CPEB3: variants seen among roughly 807,000 people sequenced by gnomAD.
CPEB3 encodes the protein cytoplasmic polyadenylation element binding protein 3.
In CPEB3, 20 loss-of-function variants were observed where a neutral mutation model predicts 67.2. The observed-to-expected ratio is 0.30, with a 90% CI of 0.21 to 0.43. The LOEUF is 0.43. Among genes scored for constraint, CPEB3 ranks in the 20% least tolerant of loss-of-function variants. The pLI is 1.00. For synonymous variants in CPEB3, 376 were observed against 393.1 expected (o/e 0.96, Z 0.51); for missense variants, 746 against 968.6 (o/e 0.77, Z 3.05).
intron 9 of CPEB3, among the ~76,000 whole-genome samples, chr10:92,054,588 C>T (rs1842043536): frequency 6.6e-6 from 1 of 151,982 alleles, no homozygotes. Context: ...TACAGGCGCC[C>T]ATCACCACAC....
intron 1 of CPEB3, among the ~76,000 whole-genome samples, chr10:92,245,115 A>G (rs1054724377): frequency 9.2e-5 from 14 of 151,810 alleles, no homozygotes; most frequent in Admixed American, 6.6e-5. Flanking sequence ...AAAACAAACA[A>G]AAACCTAAGA....
chr10:92,176,779 A>C (rs568638951), intron 4 of CPEB3, among the ~76,000 whole-genome samples: 1 of 152,350 alleles, frequency 6.6e-6, no homozygotes, highest in East Asian at 1.9e-4. Flanking sequence ...AGCATAATAG[A>C]GGAAAAGTCA....
At chr10:92,141,155 C>A (rs1846396110) in intron 6 of CPEB3, among the ~76,000 whole-genome samples, 1 of 125,788 alleles carries the variant, frequency 7.9e-6, no homozygotes. Flanking sequence ...GACTATAAAT[C>A]ATGCTGCTAT....
At chr10:92,280,091 C>A (rs929157572) in intron 1 of CPEB3, among the ~76,000 whole-genome samples, 2 of 151,288 alleles carry the variant, frequency 1.3e-5, no homozygotes, top group South Asian at 4.2e-4. Flanking sequence ...ACCTGTAATC[C>A]CTGCACTTTG....
intron 6 of CPEB3, among the ~76,000 whole-genome samples, chr10:92,127,443 A>C (rs1285407497): frequency 6.6e-6 from 1 of 152,170 alleles, no homozygotes; most frequent in East Asian, 1.9e-4. Flanking sequence ...TGGGAGACCG[A>C]GGCAGGTGGA....
chr10:92,240,237 C>T lies in CPEB3; in HGVS notation c.114G>A (p.Thr38=), dbSNP rs1470553211. Residue 38 remains threonine (T), a synonymous_variant, in exon 2 of 10, where the codon ACG becomes ACA. Transcript: ENST00000265997. ...GCTTGGGGGTCTCTGAGGAGAGGGG[C>T]GTGGACGGGGCTTCGGATACGCTGG... is the stretch of plus-strand genomic sequence containing the variant. ...PESSVSEAPS[T]PLSSETPKPE... is the part of the protein sequence containing the mutation. 6.6e-7 allele frequency: 1 copy of T among 1,508,904 alleles called. No homozygotes were observed. The highest frequency in any genetic ancestry group is 8.9e-7 in the Non-Finnish European group (1 of 1,126,812). 93.5% of individuals were successfully genotyped at this position (1,508,904 alleles called of 1,614,324 possible). A position where few individuals can be genotyped will look rare whatever the true frequency, so the allele number is the denominator to read the frequency against.
chr10:92,061,298 A>G (rs576491850), intron 9 of CPEB3, among the ~76,000 whole-genome samples: 13 of 152,024 alleles, frequency 8.6e-5, no homozygotes, highest in Non-Finnish European at 1.6e-4. Context: ...GGGTGCCTGT[A>G]ATCCCAACTA....
At chr10:92,091,808 T>C in intron 8 of CPEB3, 22 bp downstream of exon 8, 2 of 1,393,404 alleles carry the variant, frequency 1.4e-6, no homozygotes, top group Non-Finnish European at 2.0e-6. Context: ...TTTGTTGTTG[T>C]GGTATTACTA....
intron 4 of CPEB3, among the ~76,000 whole-genome samples, chr10:92,161,280 C>CT (rs1346686441): frequency 3.3e-5 from 5 of 151,104 alleles, no homozygotes; most frequent in African/African-American, 9.7e-5. Flanking sequence ...TTTGGTTTGG[C>CT]TTTTTTTTGA....
chr10:92,181,254 T>TA (rs1590321334), intron 3 of CPEB3, among the ~76,000 whole-genome samples: 1 of 151,292 alleles, frequency 6.6e-6, no homozygotes, highest in East Asian at 1.9e-4. Context: ...GAAGCTTCTG[T>TA]TATAATAGTC....
At chr10:92,080,822 G>A (rs747652230) in intron 9 of CPEB3, among the ~76,000 whole-genome samples, 77 of 151,988 alleles carry the variant, frequency 5.1e-4, no homozygotes, top group Non-Finnish European at 9.7e-4. Flanking sequence ...GTTTGGTCTC[G>A]ATCTCCTGAT....
intron 1 of CPEB3, among the ~76,000 whole-genome samples, chr10:92,277,397 T>C (rs1842041097): frequency 6.6e-6 from 1 of 152,238 alleles, no homozygotes; most frequent in African/African-American, 2.4e-5. Context: ...AGAAATACTA[T>C]TCTTTCCTCC....
At chr10:92,217,356 C>T (rs1850478962) in intron 2 of CPEB3, among the ~76,000 whole-genome samples, 1 of 150,946 alleles carries the variant, frequency 6.6e-6, no homozygotes, top group African/African-American at 2.4e-5. Context: ...CTAAATTTAA[C>T]ATATTTAATT....
At chr10:92,096,818 C>T (rs557670242) in intron 7 of CPEB3, among the ~76,000 whole-genome samples, 64 of 152,218 alleles carry the variant, frequency 4.2e-4, no homozygotes, top group African/African-American at 1.5e-3. Flanking sequence ...TGGCAGGCAC[C>T]GGTAATCCCA....
chr10:92,098,647 C>T (rs1844012024), intron 7 of CPEB3, among the ~76,000 whole-genome samples: 1 of 151,974 alleles, frequency 6.6e-6, no homozygotes, highest in African/African-American at 2.4e-5. Flanking sequence ...TAGAGTTTAA[C>T]TTTAAATGAT....
intron 4 of CPEB3, among the ~76,000 whole-genome samples, chr10:92,168,377 T>C (rs1205994778): frequency 6.6e-6 from 1 of 152,206 alleles, no homozygotes; most frequent in Non-Finnish European, 1.5e-5. Flanking sequence ...AAAGATATTA[T>C]GAGATAAAAA....
At position 92,052,167 on chromosome 10, in the gene CPEB3, T is replaced by A; in HGVS notation, c.*45A>T. The A allele has an allele frequency of 7.2e-7, 1 of 1,383,826 alleles. No homozygotes were observed. Among genetic ancestry groups the A allele is most frequent in the Non-Finnish European group, 1.0e-6 (1 of 975,416 alleles). 85.7% of individuals were successfully genotyped at this position (1,383,826 alleles called of 1,614,324 possible). A position where few individuals can be genotyped will look rare whatever the true frequency, so the allele number is the denominator to read the frequency against. ...CTGAGGCAGTGCCCTCTCTTTTCCCTCCTTGTTATCTACTCCAGTACTTGT... is the reference window on the plus strand; with the variant it reads ...CTGAGGCAGTGCCCTCTCTTTTCCCACCTTGTTATCTACTCCAGTACTTGT... On this transcript the variant is annotated 3_prime_UTR_variant, in exon 10 of 10. Coordinates refer to ENST00000265997, the MANE Select transcript of CPEB3 (RefSeq NM_014912.5).
At chr10:92,142,877 A>G (rs1370410911) in intron 6 of CPEB3, 152 bp downstream of exon 6, 1 of 503,154 alleles carries the variant, frequency 2.0e-6, no homozygotes, top group Non-Finnish European at 3.6e-6. Context: ...AAGTGGAAAC[A>G]TAATACACAA....
At chr10:92,133,177 C>T (rs934664947) in intron 6 of CPEB3, among the ~76,000 whole-genome samples, 1 of 152,000 alleles carries the variant, frequency 6.6e-6, no homozygotes, top group Non-Finnish European at 1.5e-5. Context: ...CAGAGCAGAA[C>T]TAAAGGAGAT....
Sources: allele counts gnomAD v4.1 joint callset (sites outside exome capture counted in the v4.1 genomes callset), GRCh38; gene constraint gnomAD v4.1.1; transcripts MANE v1.5; gene names NCBI Gene and HGNC (gene_info 2026-07-23, HGNC 2026-07-21).